Variants in NRXN3 observed in about 807,000 individuals in gnomAD.
NRXN3 encodes the protein neurexin III.
Under a neutral mutation model 137.6 loss-of-function variants are expected in NRXN3, and 32 were observed. The observed-to-expected ratio is 0.23, with a 90% CI of 0.18 to 0.31. The LOEUF is 0.31. Among genes scored for constraint, NRXN3 ranks in the 10% least tolerant of loss-of-function variants. The pLI, the probability that NRXN3 is intolerant of heterozygous loss-of-function variation, is 1.00. For missense variants in NRXN3, 1,574 were observed against 2,062.5 expected, an observed-to-expected ratio of 0.76 and a Z score of 4.59; for synonymous variants, 798 against 784.5, an observed-to-expected ratio of 1.02 and a Z score of -0.29.
At chr14:78,833,762 C>G (rs1296901466) in intron 10 of NRXN3, among the ~76,000 whole-genome samples, 1 of 152,088 alleles carries the variant, frequency 6.6e-6, no homozygotes, top group Admixed American at 6.6e-5. Flanking sequence ...CTGTGGTTAA[C>G]AATTTATATT....
chr14:78,324,535 T>C (rs1225357102), intron 4 of NRXN3, among the ~76,000 whole-genome samples: 1 of 152,002 alleles, frequency 6.6e-6, no homozygotes, highest in African/African-American at 2.4e-5. Context: ...GAAGTATAAA[T>C]AACAAAACCA....
intron 17 of NRXN3, among the ~76,000 whole-genome samples, chr14:79,681,984 T>G (rs896864313): frequency 3.3e-5 from 5 of 152,168 alleles, no homozygotes; most frequent in Non-Finnish European, 5.9e-5. Flanking sequence ...TTTTTCTCTA[T>G]GTCTGATCAT....
chr14:79,347,559 C>T (rs1054571518), intron 15 of NRXN3, among the ~76,000 whole-genome samples: 3 of 151,772 alleles, frequency 2.0e-5, no homozygotes, highest in Non-Finnish European at 4.4e-5. Context: ...GTAGCTGGGA[C>T]TATAGGCACG....
intron 16 of NRXN3, among the ~76,000 whole-genome samples, chr14:79,471,173 G>A (rs1043205946): frequency 3.3e-5 from 5 of 152,090 alleles, no homozygotes; most frequent in African/African-American, 1.2e-4. Context: ...AAGAACACTA[G>A]AGAGCCTGAC....
chr14:79,536,802 T>C (rs1443948075), intron 16 of NRXN3, among the ~76,000 whole-genome samples: 1 of 152,186 alleles, frequency 6.6e-6, no homozygotes. Flanking sequence ...TTGCTTTTAA[T>C]GGCTGCATAG....
chr14:78,799,319 C>T (rs1243718887), intron 8 of NRXN3, among the ~76,000 whole-genome samples: 2 of 152,180 alleles, frequency 1.3e-5, no homozygotes, highest in Non-Finnish European at 2.9e-5. Context: ...ATCTCTAGGG[C>T]ATGGAACAAA....
At chr14:78,987,937 T>C in intron 14 of NRXN3, 85 bp from the exon 15 acceptor site, 6 of 1,448,266 alleles carry the variant, frequency 4.1e-6, no homozygotes, top group Non-Finnish European at 5.6e-6. Context: ...GAATGGTAAA[T>C]TCAGGTGATT....
At chr14:78,589,680 G>A (rs2097098736) in intron 4 of NRXN3, among the ~76,000 whole-genome samples, 1 of 152,206 alleles carries the variant, frequency 6.6e-6, no homozygotes, top group Non-Finnish European at 1.5e-5. Flanking sequence ...GGAAGGGAAA[G>A]TTCTTATAAA....
chr14:78,514,024 A>G (rs889430314), intron 4 of NRXN3, among the ~76,000 whole-genome samples: 2 of 152,094 alleles, frequency 1.3e-5, no homozygotes, highest in African/African-American at 4.8e-5. Flanking sequence ...ATCTATGTGC[A>G]TCTTTGTTCT....
chr14:79,184,030 G>A (rs2063239654), intron 15 of NRXN3, among the ~76,000 whole-genome samples: 1 of 152,180 alleles, frequency 6.6e-6, no homozygotes, highest in African/African-American at 2.4e-5. Context: ...GGGGAGAGAT[G>A]TAGGCATCAG....
chr14:79,251,755 T>C (rs1188019450), intron 15 of NRXN3, among the ~76,000 whole-genome samples: 1 of 152,032 alleles, frequency 6.6e-6, no homozygotes, highest in Non-Finnish European at 1.5e-5. Context: ...AAATGAGAAA[T>C]TGTCAGGTTC....
rs370850903 is a variant in NRXN3 at position 79,127,427 on chromosome 14, C to T, written c.3262+139286C>T. Among the ~76,000 whole-genome samples the T allele has an allele frequency of 2.2e-4, 33 of 152,174 alleles. No homozygotes were observed. The Middle Eastern group carries it at 0.021, about 95-fold the overall frequency. ...AGTTTTCCCAGCACCATTTATTAAA[C>T]AGGGAATCCTTTCCCCATTGCTTGT... On this transcript the variant is annotated intron_variant, in intron 15 of 20. Coordinates refer to ENST00000335750, the MANE Select transcript of NRXN3 (RefSeq NM_001330195.2).
At chr14:78,911,580 C>CTTTT (rs2099237800) in intron 10 of NRXN3, among the ~76,000 whole-genome samples, 1 of 152,114 alleles carries the variant, frequency 6.6e-6, no homozygotes, top group Non-Finnish European at 1.5e-5. Context: ...CCAGGATAGG[C>CTTTT]AATGTGGCAT....
In NRXN3 at chr14:78,243,644, C is replaced by G. The variant is rs372463110; in HGVS notation, c.551C>G (p.Ser184Trp). 1.2e-5 allele frequency: 19 copies of G among 1,598,312 alleles called. No individual in the cohort carries two copies. The highest frequency in any genetic ancestry group is 1.4e-5 in the Non-Finnish European group (16 of 1,179,828). Residue 184 changes from serine (S) to tryptophan (W), a missense_variant, in exon 2 of 21, where the codon TCG becomes TGG. By Grantham distance (177) the Ser-to-Trp change is radical. Around this residue, in one of 5 missense-constraint regions of NRXN3, gnomAD observed 400 missense variants for 527.3 expected, o/e 0.76. Coordinates refer to ENST00000335750, the MANE Select transcript of NRXN3 (RefSeq NM_001330195.2). This position sits in a 1 kb window ranked among gnomAD's most constrained non-coding sequence, Gnocchi z 4.2. ...ATTCTGGATCTCAAGTATGGAAACT[C>G]GGAGCCTCGGCTTCTGGGGAGCCGG... The part of the protein sequence containing the change: ...GLILDLKYGN[S>W]EPRLLGSRGV...
Position 78,662,281 on chromosome 14 carries a change from G to A in NRXN3, c.1221+10955G>A, listed in dbSNP as rs148334596. 3.3e-5 allele frequency among the ~76,000 whole-genome samples: 5 copies of A among 151,804 alleles called. No individual in the cohort carries two copies. The East Asian group carries it at 5.8e-4, about 18-fold the overall frequency. ...CTAAGGCATTCAAGATCCTAACAACGTTAAGAAGGCTTAACTAATAGAACC... is the reference window on the plus strand; with the variant it reads ...CTAAGGCATTCAAGATCCTAACAACATTAAGAAGGCTTAACTAATAGAACC... On this transcript the variant is annotated intron_variant, in intron 6 of 20. Coordinates refer to ENST00000335750, the MANE Select transcript of NRXN3 (RefSeq NM_001330195.2).
intron 3 of NRXN3, among the ~76,000 whole-genome samples, chr14:78,294,086 A>C (rs1298172004): frequency 6.6e-6 from 1 of 152,172 alleles, no homozygotes; most frequent in African/African-American, 2.4e-5. Context: ...TATAGTCCCT[A>C]CTGGTCTTAT....
At chr14:79,325,663 C>T (rs898953282) in intron 15 of NRXN3, among the ~76,000 whole-genome samples, 1 of 152,182 alleles carries the variant, frequency 6.6e-6, no homozygotes, top group Middle Eastern at 3.2e-3. Flanking sequence ...CTTGCATGCA[C>T]ATGCTTTTTC....
rs1315726533 is a variant in NRXN3, at chr14:78,784,079, AAAC to A, written c.2045-19536_2045-19534del. 2.2e-3 allele frequency among the ~76,000 whole-genome samples: 335 copies of A among 151,834 alleles called. 4 individuals are homozygous for A. Among genetic ancestry groups the A allele is most frequent in the East Asian group, 8.3e-3 (43 of 5,160 alleles). On this transcript the variant is annotated intron_variant, in intron 8 of 20. Coordinates refer to ENST00000335750, the MANE Select transcript of NRXN3 (RefSeq NM_001330195.2). ...TAACACATGAGAAAAAAAAAAAAAA[AAAC>A]AACACCAAACAAAATTAATTAGATA...
intron 4 of NRXN3, among the ~76,000 whole-genome samples, chr14:78,446,982 C>T (rs767877995): frequency 6.6e-6 from 1 of 152,134 alleles, no homozygotes; most frequent in Non-Finnish European, 1.5e-5. Flanking sequence ...TGGTGTTGGG[C>T]CTGAGTGTTT....
Sources: allele counts gnomAD v4.1 joint callset (sites outside exome capture counted in the v4.1 genomes callset), GRCh38; gene constraint gnomAD v4.1.1; regional missense constraint gnomAD v4.1.1; non-coding constraint Gnocchi (gnomAD v3.1); transcripts MANE v1.5; gene names NCBI Gene and HGNC (gene_info 2026-07-23, HGNC 2026-07-21).